Variants in TIAM1 observed in about 807,000 individuals in gnomAD.
TIAM1 encodes the protein rho guanine nucleotide exchange factor TIAM1.
Under a neutral mutation model 163.5 loss-of-function variants are expected in TIAM1, and 65 were observed. The ratio of observed to expected loss-of-function variants is 0.40; its 90% CI spans 0.33 to 0.49. TIAM1 has a LOEUF of 0.49. Ranked by LOEUF, TIAM1 falls within the 20% of genes least tolerant of loss-of-function variation. The pLI, the probability that TIAM1 is intolerant of heterozygous loss-of-function variation, is 0.77. For synonymous variants in TIAM1, 833 were observed against 810.1 expected (o/e 1.03, Z -0.48); for missense variants, 1,789 against 2,044.7 (o/e 0.87, Z 2.41).
At chr21:31,171,475 T>C (rs2084510322) in intron 15 of TIAM1, among the ~76,000 whole-genome samples, 1 of 152,170 alleles carries the variant, frequency 6.6e-6, no homozygotes, top group South Asian at 2.1e-4. Context: ...ACTAACAAAA[T>C]GTTAACATCT....
intron 2 of TIAM1, among the ~76,000 whole-genome samples, chr21:31,430,562 A>G (rs975360765): frequency 1.3e-5 from 2 of 152,136 alleles, no homozygotes; most frequent in Admixed American, 6.6e-5. Context: ...AAAAGATGAA[A>G]TCAAAGTATA....
At chr21:31,254,273 TAGAAAATCACAA>T (rs1311857333) in intron 4 of TIAM1, among the ~76,000 whole-genome samples, 2 of 152,222 alleles carry the variant, frequency 1.3e-5, no homozygotes, top group African/African-American at 4.8e-5. Context: ...GCCTGCGGCT[TAGAAAATCACAA>T]GTCTGGTTGG....
intron 2 of TIAM1, among the ~76,000 whole-genome samples, chr21:31,355,611 A>G (rs2147124873): frequency 6.6e-6 from 1 of 151,724 alleles, no homozygotes; most frequent in African/African-American, 2.4e-5. Flanking sequence ...GAGTGCAGTG[A>G]TGTGATCTCG....
chr21:31,527,473 T>C (rs1355423444), intron 1 of TIAM1, among the ~76,000 whole-genome samples: 1 of 152,086 alleles, frequency 6.6e-6, no homozygotes, highest in East Asian at 1.9e-4. Flanking sequence ...AGCAAACACG[T>C]TGAGTATCTA....
At chr21:31,517,836 G>A (rs961313882) in intron 1 of TIAM1, among the ~76,000 whole-genome samples, 5 of 152,112 alleles carry the variant, frequency 3.3e-5, no homozygotes, top group Non-Finnish European at 5.9e-5. Context: ...AGAGAAATCT[G>A]TACAAACAAA....
chr21:31,151,973 T>A (rs1235936970), intron 19 of TIAM1, among the ~76,000 whole-genome samples: 4 of 151,482 alleles, frequency 2.6e-5, no homozygotes, highest in Non-Finnish European at 5.9e-5. Flanking sequence ...TAAGCAAAGT[T>A]TCCCAGAACA....
intron 2 of TIAM1, among the ~76,000 whole-genome samples, chr21:31,290,434 G>A (rs1037886605): frequency 2.5e-4 from 38 of 151,844 alleles, no homozygotes; most frequent in Admixed American, 2.5e-3. Flanking sequence ...CGGAGTTCAA[G>A]ACCAGCCTGG....
intron 2 of TIAM1, among the ~76,000 whole-genome samples, chr21:31,349,954 G>A (rs575603791): frequency 6.6e-5 from 10 of 152,326 alleles, no homozygotes; most frequent in Non-Finnish European, 1.5e-4. Context: ...TGGGCGAATG[G>A]GCACTAAACA....
chr21:31,430,831 A>T (rs567351153), intron 2 of TIAM1, among the ~76,000 whole-genome samples: 1 of 152,162 alleles, frequency 6.6e-6, no homozygotes, highest in East Asian at 1.9e-4. Context: ...CTAATTTAAA[A>T]AAGCCTCTAT....
At chr21:31,289,982 T>C (rs925310130) in intron 2 of TIAM1, among the ~76,000 whole-genome samples, 1 of 152,182 alleles carries the variant, frequency 6.6e-6, no homozygotes, top group African/African-American at 2.4e-5. Flanking sequence ...GGCACTATGA[T>C]GCAAATGGTT....
At chr21:31,455,279 C>CAAAAAAAA (rs59134253) in intron 2 of TIAM1, among the ~76,000 whole-genome samples, 1 of 84,032 alleles carries the variant, frequency 1.2e-5, no homozygotes, top group Non-Finnish European at 2.2e-5. Context: ...AACTCTGCCT[C>CAAAAAAAA]AAAAAAAAAA....
intron 1 of TIAM1, among the ~76,000 whole-genome samples, chr21:31,545,841 T>G (rs2048468233): frequency 6.6e-6 from 1 of 152,210 alleles, no homozygotes. Context: ...ACTTTGTGAT[T>G]AATCTCCATG....
intron 1 of TIAM1, among the ~76,000 whole-genome samples, chr21:31,471,099 C>A (rs767555651): frequency 5.3e-5 from 8 of 152,194 alleles, no homozygotes; most frequent in Non-Finnish European, 1.2e-4. Flanking sequence ...TTCTGAAAAC[C>A]TCCGGGCTGC....
At chr21:31,168,180 C>T (rs1174090636) in intron 15 of TIAM1, among the ~76,000 whole-genome samples, 1 of 151,448 alleles carries the variant, frequency 6.6e-6, no homozygotes, top group Non-Finnish European at 1.5e-5. Flanking sequence ...GCAACCTCCG[C>T]CCCATGGGTT....
chr21:31,155,705 C>G (rs1007949795), intron 16 of TIAM1, among the ~76,000 whole-genome samples: 15 of 152,228 alleles, frequency 9.9e-5, no homozygotes, highest in Admixed American at 3.3e-4. Context: ...GGGATTTCAA[C>G]ATGTTGGCCA....
chr21:31,252,028 G>C lies in TIAM1; in HGVS notation c.1125C>G (p.Thr375=), dbSNP rs754867131. The change falls in exon 5 of 28, where the codon ACC becomes ACG. Residue 375 remains threonine (T), a synonymous_variant. Coordinates refer to ENST00000541036, the MANE Select transcript of TIAM1 (RefSeq NM_001353694.2). ...FVGSDSGSSS[T]GDAARQGVYE... ...ACACCCCCTGACGAGCCGCATCCCC[G>C]GTGGAGCTGCTGCCGCTGTCGCTGC... 2.5e-6 allele frequency: 4 copies of C among 1,614,072 alleles called. No homozygotes were observed. The highest frequency in any genetic ancestry group is 2.5e-6 in the Non-Finnish European group (3 of 1,180,018).
rs143168423 is a variant in TIAM1, at chr21:31,126,730, C to G, written c.4133+335G>C. 4.5e-3 allele frequency among the ~76,000 whole-genome samples: 686 copies of G among 151,868 alleles called. 2 individuals are homozygous for G. Among genetic ancestry groups the G allele is most frequent in the African/African-American group, 0.016 (644 of 41,382 alleles). On this transcript the variant is annotated intron_variant, in intron 26 of 27. Transcript: ENST00000541036. ...GGGAGAAGACCTCAAATTCTCATGGCGGAGGGAGAGAATACAAGGAAGGGC... is the reference window on the plus strand; with the variant it reads ...GGGAGAAGACCTCAAATTCTCATGGGGGAGGGAGAGAATACAAGGAAGGGC...
intron 15 of TIAM1, among the ~76,000 whole-genome samples, chr21:31,176,418 C>T (rs971726201): frequency 2.0e-5 from 3 of 151,710 alleles, no homozygotes; most frequent in Non-Finnish European, 4.4e-5. Context: ...AAAACAAATG[C>T]TTAAAAAAAA....
chr21:31,451,821 T>G (rs1046793139), intron 2 of TIAM1, among the ~76,000 whole-genome samples: 1 of 151,158 alleles, frequency 6.6e-6, no homozygotes, highest in Admixed American at 6.6e-5. Flanking sequence ...CAAAAACTAG[T>G]GTTTAGGAAG....
Sources: gnomAD v4.1 joint callset for allele counts (sites outside exome capture counted in the v4.1 genomes callset) on GRCh38, gnomAD v4.1.1 for gene constraint, MANE v1.5 for transcripts, NCBI Gene and HGNC (gene_info 2026-07-23, HGNC 2026-07-21) for gene names.